Variants in AHNAK observed in about 807,000 individuals in gnomAD.
The protein encoded by AHNAK is neuroblast differentiation-associated protein AHNAK.
A neutral mutation model predicts 37.8 loss-of-function variants in AHNAK; 23 were observed. The observed-to-expected ratio is 0.61, with a 90% CI of 0.44 to 0.86. AHNAK has a LOEUF of 0.86. AHNAK is among the 40% of genes least tolerant of loss of function. The pLI is 0.00. For missense variants in AHNAK, 7,411 were observed against 7,319.4 expected (o/e 1.01, Z -0.46); for synonymous variants, 2,481 against 2,636.3 (o/e 0.94, Z 1.80).
In AHNAK at chr11:62,529,084, G is replaced by T; in HGVS notation, c.5333C>A (p.Ala1778Asp). 6.2e-7 allele frequency: 1 copy of T among 1,614,040 alleles called. No individual in the cohort carries two copies. ...CACATCTGGCATGGAGACCTTGGGA[G>T]CTTTTATATTCAACTTGGGCATCTT... ...KFKMPKLNIK[A>D]PKVSMPDVDL... The change falls in exon 5 of 5, where the codon GCT becomes GAT. Residue 1778 changes from alanine to aspartate, a missense_variant. Transcript: ENST00000378024.
At position 62,473,881 on chromosome 11, in the gene AHNAK, TCTCAGCTA is replaced by T. The variant is rs1939090633; in HGVS notation, c.442+17843_442+17850del. Among the ~76,000 whole-genome samples the T allele has an allele frequency of 2.0e-5, 3 of 151,630 alleles. No homozygotes were observed. The South Asian group carries it at 6.3e-4, about 32-fold the overall frequency. ...TGGACATGGTGATGTGTGCCTGTAG[TCTCAGCTA>T]CTCGGGAGGCTAAGGTAGGAGGATC... is the stretch of plus-strand genomic sequence containing the variant. On this transcript the variant is annotated intron_variant, in intron 5 of 5. Coordinates refer to the AHNAK transcript ENST00000257247.
chr11:62,444,073 G>A (rs1019136481), intron 5 of AHNAK, among the ~76,000 whole-genome samples: 3 of 152,288 alleles, frequency 2.0e-5, no homozygotes, highest in Non-Finnish European at 2.9e-5. Flanking sequence ...GGCACAGAGC[G>A]GCCTCTTGGC....
At chr11:62,466,469 A>ATTTTTTTTTTTTTTTTTTTTTTT (rs67385747) in intron 5 of AHNAK, among the ~76,000 whole-genome samples, 1 of 135,780 alleles carries the variant, frequency 7.4e-6, no homozygotes, top group Non-Finnish European at 1.6e-5. Context: ...TAAAGTTTTG[A>ATTTTTTTTTTTTTTTTTTTTTTT]TTTTTTTTTT....
intron 5 of AHNAK, among the ~76,000 whole-genome samples, chr11:62,477,411 A>G (rs1939172612): frequency 6.6e-6 from 1 of 152,190 alleles, no homozygotes; most frequent in Non-Finnish European, 1.5e-5. Flanking sequence ...ACTATTGGGT[A>G]CTGAACTTAA....
chr11:62,504,811 G>A (rs1939779343), intron 4 of AHNAK, among the ~76,000 whole-genome samples: 1 of 152,078 alleles, frequency 6.6e-6, no homozygotes, highest in African/African-American at 2.4e-5. Flanking sequence ...AGGATGTCAG[G>A]AGCTCCCAGA....
chr11:62,520,591 C>T lies in AHNAK; in HGVS notation c.13826G>A (p.Gly4609Asp). 1 of 1,614,168 alleles carries T rather than the reference C, an allele frequency of 6.2e-7. No homozygotes were observed. The highest frequency in any genetic ancestry group is 8.5e-7 in the Non-Finnish European group (1 of 1,180,026). Residue 4609 changes from glycine (G) to aspartate (D), a missense_variant, in exon 5 of 5, where the codon GGC becomes GAC. Gly to Asp is a moderately conservative substitution (Grantham distance 94, BLOSUM62 -1). Transcript: ENST00000378024. ...TTTGGGCAGAGAAATGTCCATGTCG[C>T]CCTTCACCTTTGGACCTTTCAGATT... ...DLNLKGPKVK[G>D]DMDISLPKVE...
intron 5 of AHNAK, among the ~76,000 whole-genome samples, chr11:62,486,176 TAC>T (rs1344404770): frequency 6.6e-6 from 1 of 151,900 alleles, no homozygotes; most frequent in African/African-American, 2.4e-5. Flanking sequence ...GTCAAATTCA[TAC>T]AGTCAGAAAG....
Position 62,518,978 on chromosome 11 carries a change from C to A in AHNAK, c.15439G>T (p.Asp5147Tyr). The A allele has an allele frequency of 1.9e-6, 3 of 1,614,186 alleles. No homozygotes were observed. The Admixed American group carries it at 5.0e-5, about 27-fold the overall frequency. Residue 5147 changes from aspartate to tyrosine, a missense_variant, in exon 5 of 5, where the codon GAT (aspartate) becomes TAT (tyrosine). Transcript: ENST00000378024. ...ATTTTTGGCACTGAGATGTCCACAT[C>A]TGGCATCTTGACCTTGGGAGCCTTC... ...KAKAPKVKMP[D>Y]VDISVPKIEG...
chr11:62,502,764 C>T (rs1939735658), intron 4 of AHNAK, among the ~76,000 whole-genome samples: 1 of 152,078 alleles, frequency 6.6e-6, no homozygotes, highest in Admixed American at 6.6e-5. Flanking sequence ...GAGCTGAAAC[C>T]CAAAGGATGA....
At position 62,524,149 on chromosome 11, in the gene AHNAK, T is replaced by C. The variant is rs1411690413; in HGVS notation, c.10268A>G (p.Asn3423Ser). The C allele has an allele frequency of 6.2e-7, 1 of 1,614,180 alleles. No individual in the cohort carries two copies. Among genetic ancestry groups the C allele is most frequent in the East Asian group, 2.2e-5 (1 of 44,892 alleles). The change falls in exon 5 of 5, where the codon AAT (asparagine) becomes AGT (serine). Residue 3423 changes from asparagine (N) to serine (S), a missense_variant. Coordinates refer to ENST00000378024, the MANE Select transcript of AHNAK (RefSeq NM_001620.3). ...PKVSMPDVELNLKSPKVKGDL... is the reference protein window; with the variant it reads ...PKVSMPDVELSLKSPKVKGDL... ...TCCTTTGACTTTGGGACTTTTCAAATTTAGCTCCACGTCAGGCATAGAAAC... is the reference window on the plus strand; with the variant it reads ...TCCTTTGACTTTGGGACTTTTCAAACTTAGCTCCACGTCAGGCATAGAAAC...
At chr11:62,514,332 G>A (rs1259428674), downstream of AHNAK, among the ~76,000 whole-genome samples, 1 of 152,216 alleles carries the variant, frequency 6.6e-6, no homozygotes, top group Non-Finnish European at 1.5e-5. Context: ...AGGAACAGGA[G>A]ATGGGTTTTG....
At chr11:62,515,240 C>T (rs747009965), downstream of AHNAK, among the ~76,000 whole-genome samples, 8 of 152,188 alleles carry the variant, frequency 5.3e-5, no homozygotes, top group Non-Finnish European at 7.4e-5. Context: ...GCACCCTGGC[C>T]GGGCGCAGTG....
At chr11:62,460,184 G>C (rs1302514866) in intron 5 of AHNAK, among the ~76,000 whole-genome samples, 1 of 152,098 alleles carries the variant, frequency 6.6e-6, no homozygotes, top group East Asian at 1.9e-4. Flanking sequence ...CTACTCGGGA[G>C]GCTGAGGCAC....
intron 5 of AHNAK, among the ~76,000 whole-genome samples, chr11:62,470,344 G>T (rs1939008984): frequency 6.6e-6 from 1 of 152,154 alleles, no homozygotes; most frequent in African/African-American, 2.4e-5. Context: ...TACTCAGGAG[G>T]TTGAGGCAAG....
chr11:62,464,559 T>C (rs1268205850), intron 5 of AHNAK, among the ~76,000 whole-genome samples: 1 of 151,924 alleles, frequency 6.6e-6, no homozygotes, highest in Non-Finnish European at 1.5e-5. Flanking sequence ...TCCCAGCTAC[T>C]CAGGAGGCTG....
Position 62,516,798 on chromosome 11 carries a change from C to A in AHNAK, c.17619G>T (p.Lys5873Asn). Residue 5873 changes from lysine to asparagine, a missense_variant, in exon 5 of 5, where the codon AAG (lysine) becomes AAT (asparagine). Physicochemically the swap from Lys to Asn is moderately conservative, Grantham distance 94. Coordinates refer to ENST00000378024, the MANE Select transcript of AHNAK (RefSeq NM_001620.3). ...SSSSSNDSGN[K>N]VGIQLPEVEL... The stretch of plus-strand genomic sequence containing the variant: ...CCACCTCGGGAAGCTGGATGCCAAC[C>A]TTATTCCCACTGTCATTGCTAGAAG... The A allele has an allele frequency of 6.2e-7, 1 of 1,614,046 alleles. No homozygotes were observed. The highest frequency in any genetic ancestry group is 8.5e-7 in the Non-Finnish European group (1 of 1,179,952).
intron 4 of AHNAK, among the ~76,000 whole-genome samples, chr11:62,506,593 G>A (rs955545388): frequency 1.3e-5 from 2 of 152,198 alleles, no homozygotes; most frequent in Non-Finnish European, 2.9e-5. Flanking sequence ...GCTGGCCAGA[G>A]GGTTGTGCCT....
intron 5 of AHNAK, among the ~76,000 whole-genome samples, chr11:62,466,118 G>A (rs1411714721): frequency 6.6e-6 from 1 of 152,112 alleles, no homozygotes; most frequent in East Asian, 1.9e-4. Context: ...CCAGGAGTTC[G>A]AGATCAGCCT....
chr11:62,449,334 A>G (rs1343109076), intron 5 of AHNAK, among the ~76,000 whole-genome samples: 1 of 152,034 alleles, frequency 6.6e-6, no homozygotes, highest in Non-Finnish European at 1.5e-5. Context: ...TGGTCTCTCC[A>G]GCTCACCTGC....
Sources: gnomAD v4.1 joint callset for allele counts (sites outside exome capture counted in the v4.1 genomes callset) on GRCh38, gnomAD v4.1.1 for gene constraint, MANE v1.5 for transcripts, NCBI Gene and HGNC (gene_info 2026-07-23, HGNC 2026-07-21) for gene names.